The following PTPRM variants were observed in gnomAD, a reference collection of about 807,000 sequenced individuals.
PTPRM encodes protein tyrosine phosphatase receptor type M.
A neutral mutation model predicts 186.7 loss-of-function variants in PTPRM; 47 were observed. The observed-to-expected ratio is 0.25, with a 90% CI of 0.20 to 0.32. PTPRM has a LOEUF of 0.32. PTPRM is among the 10% of genes least tolerant of loss of function. The pLI, the probability that PTPRM is intolerant of heterozygous loss-of-function variation, is 1.00. For synonymous variants in PTPRM, 668 were observed against 674.9 expected (o/e 0.99, Z 0.16); for missense variants, 1,494 against 1,865.0 (o/e 0.80, Z 3.66).
At chr18:8,337,240 A>T (rs1240823924) in intron 22 of PTPRM, among the ~76,000 whole-genome samples, 1 of 152,138 alleles carries the variant, frequency 6.6e-6, no homozygotes, top group African/African-American at 2.4e-5. Context: ...TATGTTGCAC[A>T]GACTGGTCTC....
chr18:8,347,327 C>T (rs2148295548), intron 23 of PTPRM, among the ~76,000 whole-genome samples: 1 of 152,346 alleles, frequency 6.6e-6, no homozygotes, highest in Middle Eastern at 3.4e-3. Context: ...AAGGACACCA[C>T]TGTGTCTGGA....
At chr18:7,713,690 T>A (rs1343694681) in intron 1 of PTPRM, among the ~76,000 whole-genome samples, 6 of 92,802 alleles carry the variant, frequency 6.5e-5, no homozygotes, top group South Asian at 4.0e-4. Flanking sequence ...TCCAAGCAAA[T>A]GGAAAGCAAA....
At chr18:8,157,424 AG>A (rs371696357) in intron 14 of PTPRM, among the ~76,000 whole-genome samples, 17 of 152,224 alleles carry the variant, frequency 1.1e-4, no homozygotes, top group African/African-American at 3.9e-4. Flanking sequence ...TCCCCTTGAG[AG>A]GGGGTCCTCT....
At chr18:7,887,948 A>G in intron 2 of PTPRM, 158 bp from the exon 3 acceptor site, 1 of 832,704 alleles carries the variant, frequency 1.2e-6, no homozygotes, top group Non-Finnish European at 2.1e-6. Context: ...TAGGAGGAGG[A>G]GGTGGTGATA....
At chr18:7,849,114 A>G (rs1339057535) in intron 2 of PTPRM, among the ~76,000 whole-genome samples, 1 of 152,104 alleles carries the variant, frequency 6.6e-6, no homozygotes, top group Admixed American at 6.5e-5. Flanking sequence ...GGTAGAATAT[A>G]TTGCACCCAG....
intron 11 of PTPRM, among the ~76,000 whole-genome samples, chr18:8,095,506 G>A (rs2145439914): frequency 6.6e-6 from 1 of 152,176 alleles, no homozygotes. Flanking sequence ...GGATGAATTG[G>A]ACAACCTTGT....
intron 7 of PTPRM, among the ~76,000 whole-genome samples, chr18:8,048,256 A>C (rs912714590): frequency 2.0e-5 from 3 of 152,206 alleles, no homozygotes; most frequent in Non-Finnish European, 4.4e-5. Flanking sequence ...GCAGAGAGGT[A>C]AACTGCTCTT....
chr18:8,189,772 T>A (rs2093687245), intron 14 of PTPRM, among the ~76,000 whole-genome samples: 1 of 152,166 alleles, frequency 6.6e-6, no homozygotes, highest in African/African-American at 2.4e-5. Flanking sequence ...GGGTTACCCA[T>A]CACTGGAGAC....
intron 4 of PTPRM, among the ~76,000 whole-genome samples, chr18:7,924,408 T>C (rs1484084420): frequency 2.6e-5 from 4 of 152,244 alleles, no homozygotes; most frequent in Non-Finnish European, 5.9e-5. Flanking sequence ...AGCTTTTGGC[T>C]TCTAATATAT....
chr18:8,322,413 T>C (rs550093324), intron 22 of PTPRM, among the ~76,000 whole-genome samples: 1 of 152,298 alleles, frequency 6.6e-6, no homozygotes, highest in African/African-American at 2.4e-5. Context: ...TCTTCCTATC[T>C]CCCCTTGGTT....
intron 1 of PTPRM, among the ~76,000 whole-genome samples, chr18:7,766,671 CT>C (rs2042030407): frequency 6.6e-6 from 1 of 152,206 alleles, no homozygotes; most frequent in Non-Finnish European, 1.5e-5. Context: ...GCGTTGTGCC[CT>C]GAGGGACCTG....
At chr18:8,358,708 A>T (rs527851935) in intron 23 of PTPRM, among the ~76,000 whole-genome samples, 1 of 152,336 alleles carries the variant, frequency 6.6e-6, no homozygotes, top group South Asian at 2.1e-4. Context: ...AAGGAACAAA[A>T]CACCTTCAGC....
At position 8,045,879 on chromosome 18, in the gene PTPRM, G is replaced by T. The variant is rs539370699; in HGVS notation, c.1133-23807G>T. Among the ~76,000 whole-genome samples, 4 of 152,322 alleles carry T rather than the reference G, an allele frequency of 2.6e-5. No individual in the cohort carries two copies. In the South Asian group the frequency reaches 8.3e-4, roughly 32 times the overall value. ...GACTTAAGTGAGGAAAACTAAGAAT[G>T]ATTGTAATAGCAGACTTCCACAAAT... is the stretch of plus-strand genomic sequence containing the variant. On this transcript the variant is annotated intron_variant, in intron 7 of 32. Coordinates refer to ENST00000580170, the MANE Select transcript of PTPRM (RefSeq NM_001105244.2).
At chr18:8,306,896 C>T (rs1568712389) in intron 20 of PTPRM, among the ~76,000 whole-genome samples, 1 of 152,188 alleles carries the variant, frequency 6.6e-6, no homozygotes, top group Non-Finnish European at 1.5e-5. Context: ...AAGAGTACCC[C>T]AAGGAATAAC....
At chr18:8,234,554 T>C (rs1254171412) in intron 14 of PTPRM, among the ~76,000 whole-genome samples, 1 of 152,190 alleles carries the variant, frequency 6.6e-6, no homozygotes, top group African/African-American at 2.4e-5. Flanking sequence ...TCATTCCTTC[T>C]TAACCTGTTG....
rs770206877 is a variant in PTPRM, at chr18:8,069,862, A to G, written c.1309A>G (p.Thr437Ala). ...EQVREEVSWD[T>A]ENSHPQHTIT... ...AGTGCGAGAAGAAGTAAGCTGGGAT[A>G]CAGAAAACTCACACCCTCAACACAC... is the stretch of plus-strand genomic sequence containing the variant. The change falls in exon 8 of 33, where the codon ACA becomes GCA. Residue 437 changes from threonine (T) to alanine (A), a missense_variant. This residue lies in a region of PTPRM where 1,107 missense variants were observed against 1,350.2 expected (regional missense o/e 0.82). Transcript: ENST00000580170. 83 of 1,613,812 alleles carry G rather than the reference A, an allele frequency of 5.1e-5. No homozygotes were observed. The South Asian group carries it at 8.6e-4, about 17-fold the overall frequency.
intron 4 of PTPRM, among the ~76,000 whole-genome samples, chr18:7,918,989 C>T (rs541528168): frequency 1.3e-5 from 2 of 152,118 alleles, no homozygotes; most frequent in Non-Finnish European, 2.9e-5. Context: ...ACAGAGGAGG[C>T]TAGTTTCCTT....
At chr18:7,946,954 A>G (rs1042982221) in intron 5 of PTPRM, 15 of 456,182 alleles carry the variant, frequency 3.3e-5, no homozygotes, top group East Asian at 7.0e-5. Flanking sequence ...CTGACTGCCT[A>G]TGGGAACCCT....
chr18:8,068,180 C>T (rs1469229258), intron 7 of PTPRM, among the ~76,000 whole-genome samples: 1 of 152,130 alleles, frequency 6.6e-6, no homozygotes, highest in East Asian at 1.9e-4. Flanking sequence ...TTATAGAAAG[C>T]AACTCACACA....
Sources: allele counts gnomAD v4.1 joint callset (sites outside exome capture counted in the v4.1 genomes callset), GRCh38; gene constraint gnomAD v4.1.1; regional missense constraint gnomAD v4.1.1; transcripts MANE v1.5; gene names NCBI Gene and HGNC (gene_info 2026-07-23, HGNC 2026-07-21).